The following TMEM168 variants were observed in gnomAD, a reference collection of about 807,000 sequenced individuals.
The protein encoded by TMEM168 is transmembrane protein 168.
TMEM168 carries 40 observed loss-of-function variants against 53.2 expected under a neutral mutation model. That is an observed-to-expected ratio of 0.75 (90% confidence interval 0.58 to 0.98). The LOEUF (loss-of-function observed/expected upper bound fraction) is 0.98. Among genes scored for constraint, TMEM168 ranks in the 50% least tolerant of loss-of-function variants. The probability of loss-of-function intolerance (pLI) is 0.00; values close to 1 mark genes in which losing one functional copy is unlikely to be tolerated. For synonymous variants in TMEM168, 282 were observed against 293.0 expected, an observed-to-expected ratio of 0.96 and a Z score of 0.38; for missense variants, 771 against 828.8, an observed-to-expected ratio of 0.93 and a Z score of 0.86.
intron 1 of TMEM168, among the ~76,000 whole-genome samples, chr7:112,785,779 C>G (rs1361509571): frequency 6.6e-6 from 1 of 152,110 alleles, no homozygotes; most frequent in Non-Finnish European, 1.5e-5. Flanking sequence ...CAAGTCACAC[C>G]TAAAAAATGA....
chr7:112,771,496 G>A (rs1013892218), intron 4 of TMEM168, among the ~76,000 whole-genome samples: 1 of 152,142 alleles, frequency 6.6e-6, no homozygotes, highest in African/African-American at 2.4e-5. Flanking sequence ...AAGGTACTAA[G>A]TACAGTAAGC....
At position 112,762,735 on chromosome 7, in the gene TMEM168, G is replaced by C. The variant is rs1482868517; in HGVS notation, c.*4462C>G. 6.6e-6 allele frequency: 1 copy of C among 151,982 alleles called. No homozygotes were observed. The highest frequency in any genetic ancestry group is 6.6e-5 in the Admixed American group (1 of 15,262). The allele number at this position is 151,982 out of a possible 1,614,324, so 9.4% of individuals were successfully genotyped here. A position where few individuals can be genotyped will look rare whatever the true frequency, so the allele number is the denominator to read the frequency against. On this transcript the variant is annotated 3_prime_UTR_variant, in exon 5 of 5. Coordinates refer to ENST00000312814, the MANE Select transcript of TMEM168 (RefSeq NM_022484.6). ...GGTAGCCCACAGTTTTCAATTTTCA[G>C]TCAACTTTGGTCTAAGTAATAATAA...
intron 1 of TMEM168, among the ~76,000 whole-genome samples, chr7:112,785,935 C>T (rs549067989): frequency 2.0e-5 from 3 of 152,246 alleles, no homozygotes; most frequent in East Asian, 1.9e-4. Flanking sequence ...GGGCCAGGCA[C>T]GGTGGCTCTC....
chr7:112,789,044 T>C (rs902535337), intron 1 of TMEM168, among the ~76,000 whole-genome samples: 1 of 152,178 alleles, frequency 6.6e-6, no homozygotes, highest in African/African-American at 2.4e-5. Context: ...TCCTGCCTTA[T>C]CTGTTACCAG....
intron 2 of TMEM168, chr7:112,778,289 G>A (rs1389338008): frequency 6.6e-6 from 1 of 152,212 alleles, no homozygotes; most frequent in African/African-American, 2.4e-5. Flanking sequence ...GGGACCAAAA[G>A]TGCAGCTCAG....
In TMEM168 at chr7:112,783,980, T is replaced by C. The variant is rs145994082; in HGVS notation, c.846A>G (p.Ala282=). Residue 282 remains alanine, a synonymous_variant, in exon 2 of 5, where the codon GCA becomes GCG. Transcript: ENST00000312814. ...AGAGGTGAGTGTCTCTAAGTTTGAA[T>C]GCGGAAAGAATAAAAAATGTAAGCT... is the stretch of plus-strand genomic sequence containing the variant. ...MIELTFFILS[A]FKLRDTHLWY... The C allele has an allele frequency of 1.2e-3, 1,903 of 1,613,142 alleles. 6 individuals carry two copies. Among genetic ancestry groups the C allele is most frequent in the South Asian group, 2.7e-3 (246 of 90,462 alleles).
intron 2 of TMEM168, among the ~76,000 whole-genome samples, chr7:112,783,434 G>A (rs567619014): frequency 6.6e-6 from 1 of 152,178 alleles, no homozygotes; most frequent in African/African-American, 2.4e-5. Flanking sequence ...CTCTTTAATC[G>A]ATGAGTGTTT....
At chr7:112,773,978 C>A (rs1343661650) in intron 3 of TMEM168, among the ~76,000 whole-genome samples, 1 of 152,146 alleles carries the variant, frequency 6.6e-6, no homozygotes, top group East Asian at 1.9e-4. Flanking sequence ...AAATCTGTTT[C>A]CTTCAGTTCT....
chr7:112,787,763 A>ATTTTTT, intron 1 of TMEM168, among the ~76,000 whole-genome samples: 1 of 60,996 alleles, frequency 1.6e-5, no homozygotes, highest in Middle Eastern at 0.016. Context: ...ACAGAGTTTC[A>ATTTTTT]TTCTTGTTGC....
At chr7:112,788,822 G>A (rs1409793474) in intron 1 of TMEM168, among the ~76,000 whole-genome samples, 3 of 151,786 alleles carry the variant, frequency 2.0e-5, no homozygotes, top group African/African-American at 7.3e-5. Context: ...TCTACTTCTC[G>A]TCCCCAGGGT....
chr7:112,780,878 C>T (rs900705121), intron 2 of TMEM168, among the ~76,000 whole-genome samples: 3 of 137,424 alleles, frequency 2.2e-5, no homozygotes, highest in Non-Finnish European at 4.5e-5. Flanking sequence ...GGAATTTTGG[C>T]AGTGATTTAA....
At position 112,767,467 on chromosome 7, in the gene TMEM168, C is replaced by T. The variant is rs1245099399; in HGVS notation, c.1824G>A (p.Lys608=). 1 of 1,614,164 alleles carries T rather than the reference C, an allele frequency of 6.2e-7. No homozygotes were observed. The highest frequency in any genetic ancestry group is 8.5e-7 in the Non-Finnish European group (1 of 1,180,024). ...CATATACTGCTTTCACTGTGCGTCC[C>T]TTTTCAGTCCAGCAGATGTTATTAC... is the stretch of plus-strand genomic sequence containing the variant. The part of the protein sequence containing the change: ...NSSNNICWTE[K]GRTVKAVYGV... The change falls in exon 5 of 5, where the codon AAG becomes AAA. Residue 608 remains lysine, a synonymous_variant. Transcript: ENST00000312814.
intron 1 of TMEM168, among the ~76,000 whole-genome samples, chr7:112,786,188 C>T (rs1183147576): frequency 1.3e-5 from 2 of 152,002 alleles, no homozygotes; most frequent in African/African-American, 2.4e-5. Flanking sequence ...GGGGATAGAG[C>T]GAGACTCTGC....
Position 112,783,852 on chromosome 7 carries a change from T to A in TMEM168, c.974A>T (p.Asp325Val). ...TLWGFHTKLN[D>V]CHKVYFTHRT... ...GTGAGTAAAATATACTTTATGGCAG[T>A]CATTTAATTTGGTATGGAATCCCCA... Residue 325 changes from aspartate (D) to valine (V), a missense_variant, in exon 2 of 5, where the codon GAC (aspartate) becomes GTC (valine). By Grantham distance (152) the Asp-to-Val change is radical. Coordinates refer to ENST00000312814, the MANE Select transcript of TMEM168 (RefSeq NM_022484.6). 1 of 1,605,048 alleles carries A rather than the reference T, an allele frequency of 6.2e-7. No individual in the cohort carries two copies. Among genetic ancestry groups the A allele is most frequent in the Non-Finnish European group, 8.5e-7 (1 of 1,177,196 alleles).
intron 3 of TMEM168, among the ~76,000 whole-genome samples, chr7:112,773,605 A>G (rs542321464): frequency 6.6e-6 from 1 of 152,232 alleles, no homozygotes; most frequent in East Asian, 1.9e-4. Flanking sequence ...ATTTAGGTCC[A>G]TTGCTTTATA....
chr7:112,779,812 C>A (rs1793181007), intron 2 of TMEM168, among the ~76,000 whole-genome samples: 1 of 152,192 alleles, frequency 6.6e-6, no homozygotes, highest in Non-Finnish European at 1.5e-5. Context: ...TATGCAATGT[C>A]ATTTTTAAAA....
rs1793304299 is a variant in TMEM168, at chr7:112,784,060, AAAAGGGTTTCCATCTTTCAGTTACTG to A, written c.740_765del (p.Ser247PhefsTer19). 6.2e-7 allele frequency: 1 copy of A among 1,613,020 alleles called. No homozygotes were observed. Among genetic ancestry groups the A allele is most frequent in the Admixed American group, 1.7e-5 (1 of 59,824 alleles). On this transcript the variant is annotated frameshift_variant, in exon 2 of 5. Transcript: ENST00000312814. LOFTEE classifies it high-confidence loss of function. ...CTTCTGCAAATTCTTCCACGGTACA[AAAAGGGTTTCCATCTTTCAGTTACTG>A]AAAGTCCACTAAAATAAATGTCAAG... is the stretch of plus-strand genomic sequence containing the variant.
intron 2 of TMEM168, among the ~76,000 whole-genome samples, chr7:112,776,154 A>C (rs2116259392): frequency 1.3e-5 from 2 of 152,012 alleles, no homozygotes; most frequent in East Asian, 3.9e-4. Flanking sequence ...AAGACCCTAA[A>C]GCTATAAAAA....
Position 112,762,730 on chromosome 7 carries a change from T to G in TMEM168, c.*4467A>C, listed in dbSNP as rs1196359007. ...TTACGGGTAGCCCACAGTTTTCAAT[T>G]TTCAGTCAACTTTGGTCTAAGTAAT... On this transcript the variant is annotated 3_prime_UTR_variant, in exon 5 of 5. Coordinates refer to ENST00000312814, the MANE Select transcript of TMEM168 (RefSeq NM_022484.6). The G allele has an allele frequency of 6.6e-6, 1 of 152,066 alleles. No individual in the cohort carries two copies. Among genetic ancestry groups the G allele is most frequent in the Non-Finnish European group, 1.5e-5 (1 of 67,930 alleles). The allele number at this position is 152,066 out of a possible 1,614,324, so 9.4% of individuals were successfully genotyped here.
Sources: gnomAD v4.1 joint callset for allele counts (sites outside exome capture counted in the v4.1 genomes callset) on GRCh38, gnomAD v4.1.1 for gene constraint, MANE v1.5 for transcripts, NCBI Gene and HGNC (gene_info 2026-07-23, HGNC 2026-07-21) for gene names.